Variants in TMEM163 observed in about 807,000 individuals in gnomAD.
TMEM163 encodes the protein transmembrane protein 163.
TMEM163 carries 17 observed loss-of-function variants against 29.3 expected under a neutral mutation model. The observed-to-expected ratio is 0.58, with a 90% CI of 0.40 to 0.87. The LOEUF is 0.87. TMEM163 is among the 40% of genes least tolerant of loss of function. The pLI is 0.00. For synonymous variants in TMEM163, 157 were observed against 160.6 expected (o/e 0.98, Z 0.17); for missense variants, 303 against 381.5 (o/e 0.79, Z 1.71).
At chr2:134,572,847 A>G (rs144759395) in intron 2 of TMEM163, among the ~76,000 whole-genome samples, 2 of 152,372 alleles carry the variant, frequency 1.3e-5, no homozygotes, top group Middle Eastern at 3.4e-3. Flanking sequence ...TCCTGAAATT[A>G]GAGAATAAAA....
intron 2 of TMEM163, among the ~76,000 whole-genome samples, chr2:134,578,431 C>T (rs939363758): frequency 3.3e-5 from 5 of 152,132 alleles, no homozygotes; most frequent in African/African-American, 9.7e-5. Flanking sequence ...AAATGTAACG[C>T]GTGATGTTCC....
At chr2:134,652,832 A>T (rs1683511814) in intron 2 of TMEM163, among the ~76,000 whole-genome samples, 1 of 110,448 alleles carries the variant, frequency 9.1e-6, no homozygotes, top group African/African-American at 4.6e-5. Flanking sequence ...GGCTCTGTTT[A>T]TATGCTGGAT....
In TMEM163 at chr2:134,695,071, A is replaced by C. The variant is rs542329346; in HGVS notation, c.322+18129T>G. Among the ~76,000 whole-genome samples the C allele has an allele frequency of 7.2e-5, 11 of 152,298 alleles. No homozygotes were observed. In the East Asian group the frequency reaches 1.9e-3, roughly 27 times the overall value. ...TACTTTTAGAGAACTAAATGATGGA[A>C]AGGAGGAAAAAAAAATTTTTTTTGA... On this transcript the variant is annotated intron_variant, in intron 2 of 7. Coordinates refer to ENST00000281924, the MANE Select transcript of TMEM163 (RefSeq NM_030923.5).
At chr2:134,592,611 C>T (rs966502060) in intron 2 of TMEM163, among the ~76,000 whole-genome samples, 2 of 152,090 alleles carry the variant, frequency 1.3e-5, no homozygotes, top group Non-Finnish European at 2.9e-5. Flanking sequence ...GCTCCCTTCT[C>T]ATCATGGGCA....
chr2:134,597,103 A>C (rs2104806915), intron 2 of TMEM163, among the ~76,000 whole-genome samples: 2 of 152,124 alleles, frequency 1.3e-5, no homozygotes, highest in African/African-American at 4.8e-5. Context: ...AATACCCTTT[A>C]TTTCTTTCTC....
Position 134,456,709 on chromosome 2 carries a change from G to A in TMEM163, c.*7C>T. On this transcript the variant is annotated 3_prime_UTR_variant, in exon 8 of 8. Coordinates refer to ENST00000281924, the MANE Select transcript of TMEM163 (RefSeq NM_030923.5). The stretch of plus-strand genomic sequence containing the variant: ...TCTCGATGGTCTCATGCGGATGCTG[G>A]CCCCCTTCACTCAAACATCTCGTAG... 2 of 1,613,848 alleles carry A rather than the reference G, an allele frequency of 1.2e-6. No individual in the cohort carries two copies.
At chr2:134,527,676 AT>A in intron 4 of TMEM163, among the ~76,000 whole-genome samples, 1 of 152,342 alleles carries the variant, frequency 6.6e-6, no homozygotes, top group South Asian at 2.1e-4. Flanking sequence ...AGCCTTGGGA[AT>A]CATTCCGGTC....
At chr2:134,689,094 C>G (rs1684405913) in intron 2 of TMEM163, among the ~76,000 whole-genome samples, 1 of 149,296 alleles carries the variant, frequency 6.7e-6, no homozygotes, top group African/African-American at 2.5e-5. Context: ...AATGGAGTGC[C>G]TAAGTTTTTT....
At chr2:134,496,969 C>T (rs890113818) in intron 5 of TMEM163, among the ~76,000 whole-genome samples, 30 of 152,246 alleles carry the variant, frequency 2.0e-4, no homozygotes, top group African/African-American at 7.0e-4. Flanking sequence ...CTTCCCACGC[C>T]TCCTCCCACT....
At chr2:134,706,466 C>T (rs138969543) in intron 2 of TMEM163, among the ~76,000 whole-genome samples, 5 of 152,078 alleles carry the variant, frequency 3.3e-5, no homozygotes, top group East Asian at 1.9e-4. Flanking sequence ...ACATGAGTGC[C>T]GAAAGCAATA....
At chr2:134,481,742 A>G (rs1679189765) in intron 5 of TMEM163, among the ~76,000 whole-genome samples, 1 of 151,318 alleles carries the variant, frequency 6.6e-6, no homozygotes, top group East Asian at 2.0e-4. Context: ...CTCATTATGT[A>G]GGAGATCATC....
At chr2:134,674,151 A>T (rs1229016431) in intron 2 of TMEM163, among the ~76,000 whole-genome samples, 2 of 152,090 alleles carry the variant, frequency 1.3e-5, no homozygotes, top group Non-Finnish European at 2.9e-5. Flanking sequence ...CAAGGGTATA[A>T]ATTCTCCCAT....
At chr2:134,647,495 C>G (rs896654410) in intron 2 of TMEM163, among the ~76,000 whole-genome samples, 1 of 152,122 alleles carries the variant, frequency 6.6e-6, no homozygotes, top group Non-Finnish European at 1.5e-5. Context: ...GGGTTTGCAT[C>G]TGGACCCTCA....
At chr2:134,593,624 T>G (rs1247456075) in intron 2 of TMEM163, among the ~76,000 whole-genome samples, 1 of 151,850 alleles carries the variant, frequency 6.6e-6, no homozygotes, top group Non-Finnish European at 1.5e-5. Flanking sequence ...CCAGCCTAGG[T>G]AGGGAGTTGG....
At chr2:134,686,213 C>T (rs1336287649) in intron 2 of TMEM163, among the ~76,000 whole-genome samples, 2 of 152,152 alleles carry the variant, frequency 1.3e-5, no homozygotes, top group Non-Finnish European at 2.9e-5. Flanking sequence ...TCCATAGCCA[C>T]CTGGACTGCA....
chr2:134,519,063 C>T (rs1249232831), intron 4 of TMEM163, among the ~76,000 whole-genome samples: 1 of 152,210 alleles, frequency 6.6e-6, no homozygotes, highest in Admixed American at 6.5e-5. Context: ...ACCCCAGGAT[C>T]AGGACGTTCT....
intron 6 of TMEM163, among the ~76,000 whole-genome samples, chr2:134,462,302 G>A (rs915492530): frequency 1.3e-5 from 2 of 152,028 alleles, no homozygotes; most frequent in African/African-American, 4.8e-5. Context: ...CCTCTGCTCA[G>A]CTCCCAGCTC....
chr2:134,476,920 T>C (rs1166035495), intron 5 of TMEM163, among the ~76,000 whole-genome samples: 1 of 152,240 alleles, frequency 6.6e-6, no homozygotes, highest in East Asian at 1.9e-4. Context: ...TAAACCCCAG[T>C]TGAGTGCCTT....
chr2:134,694,052 G>A (rs1200276040), intron 2 of TMEM163, among the ~76,000 whole-genome samples: 1 of 152,168 alleles, frequency 6.6e-6, no homozygotes. Flanking sequence ...TAACTTTTCT[G>A]AGTCTTAAAA....
Sources: gnomAD v4.1 joint callset for allele counts (sites outside exome capture counted in the v4.1 genomes callset) on GRCh38, gnomAD v4.1.1 for gene constraint, MANE v1.5 for transcripts, NCBI Gene and HGNC (gene_info 2026-07-23, HGNC 2026-07-21) for gene names.